Variants in TCF12 observed in about 807,000 individuals in gnomAD.
The protein encoded by TCF12 is transcription factor 12.
TCF12 carries 45 observed loss-of-function variants against 86.0 expected under a neutral mutation model. The ratio of observed to expected loss-of-function variants is 0.52; its 90% CI spans 0.41 to 0.67. TCF12 has a LOEUF of 0.67. Ranked by LOEUF, TCF12 falls within the 30% of genes least tolerant of loss-of-function variation. TCF12 has a pLI of 0.00. For synonymous variants in TCF12, 330 were observed against 299.6 expected (o/e 1.10, Z -1.05); for missense variants, 881 against 859.9 (o/e 1.02, Z -0.31).
In TCF12 at chr15:56,960,454, G is replaced by A. The variant is rs1220019263; in HGVS notation, c.148+39356G>A. On this transcript the variant is annotated intron_variant, in intron 3 of 20. Coordinates refer to ENST00000333725, the MANE Select transcript of TCF12 (RefSeq NM_207037.2). ...TATTTTTTTTTTTTTTTTTGAGATGGAGTCTCACTCTGTCACCTAAGTTGG... is the reference window on the plus strand; with the variant it reads ...TATTTTTTTTTTTTTTTTTGAGATGAAGTCTCACTCTGTCACCTAAGTTGG... Among the ~76,000 whole-genome samples, 17 of 142,920 alleles carry A rather than the reference G, an allele frequency of 1.2e-4. No homozygotes were observed. In the Admixed American group the frequency reaches 1.3e-3, roughly 11 times the overall value. The allele number at this position is 142,920 out of a possible 152,430, so 93.8% of individuals were successfully genotyped here.
rs762583478 is a variant in TCF12 at position 56,919,876 on chromosome 15, G to A, written c.-22-16G>A. 2 of 1,611,174 alleles carry A rather than the reference G, an allele frequency of 1.2e-6. No individual in the cohort carries two copies. The highest frequency in any genetic ancestry group is 1.7e-6 in the Non-Finnish European group (2 of 1,178,098). ...GCCTCGGTGGTCTCTCGCTGAGCCC[G>A]TTTCCTCTGCCCTAGGACCTGCTAG... On this transcript the variant is annotated splice_polypyrimidine_tract_variant and intron_variant, in intron 1 of 20. Transcript: ENST00000333725.
At chr15:56,948,128 T>G (rs903301915) in intron 3 of TCF12, among the ~76,000 whole-genome samples, 1 of 152,060 alleles carries the variant, frequency 6.6e-6, no homozygotes, top group Non-Finnish European at 1.5e-5. Context: ...TACCTTTTTT[T>G]TTTTATTTTT....
At chr15:57,016,670 T>C (rs751747293) in intron 3 of TCF12, among the ~76,000 whole-genome samples, 1 of 152,006 alleles carries the variant, frequency 6.6e-6, no homozygotes, top group Admixed American at 6.6e-5. Flanking sequence ...AGGGTACATA[T>C]TGTTAGAAGG....
At chr15:57,248,736 T>C (rs941005030) in intron 13 of TCF12, among the ~76,000 whole-genome samples, 8 of 152,244 alleles carry the variant, frequency 5.3e-5, no homozygotes, top group Non-Finnish European at 1.0e-4. Flanking sequence ...AAAATAAGTT[T>C]AAGTGTATGT....
intron 18 of TCF12, among the ~76,000 whole-genome samples, chr15:57,266,483 G>C (rs1245974086): frequency 6.6e-6 from 1 of 152,160 alleles, no homozygotes; most frequent in Non-Finnish European, 1.5e-5. Flanking sequence ...AGTTGCCACA[G>C]AGACTATATG....
At chr15:57,167,292 G>A (rs2054970344) in intron 6 of TCF12, among the ~76,000 whole-genome samples, 1 of 152,154 alleles carries the variant, frequency 6.6e-6, no homozygotes, top group African/African-American at 2.4e-5. Flanking sequence ...TGGCCACGGT[G>A]GCTCACGCCT....
At chr15:56,994,966 G>A (rs1461604623) in intron 3 of TCF12, among the ~76,000 whole-genome samples, 1 of 151,976 alleles carries the variant, frequency 6.6e-6, no homozygotes, top group Non-Finnish European at 1.5e-5. Context: ...ATAATTGAGA[G>A]GAAAAGTTAT....
chr15:57,225,816 G>C (rs1002679475), intron 8 of TCF12, among the ~76,000 whole-genome samples: 1 of 151,650 alleles, frequency 6.6e-6, no homozygotes, highest in East Asian at 1.9e-4. Flanking sequence ...ATATTGCTAC[G>C]TGTGGAACTT....
intron 12 of TCF12, among the ~76,000 whole-genome samples, chr15:57,237,683 T>C (rs573364683): frequency 6.6e-6 from 1 of 152,334 alleles, no homozygotes; most frequent in East Asian, 1.9e-4. Context: ...CTTTTTATTC[T>C]TACCTTCAAA....
At chr15:56,996,344 A>G (rs756456618) in intron 3 of TCF12, among the ~76,000 whole-genome samples, 4 of 152,170 alleles carry the variant, frequency 2.6e-5, no homozygotes, top group African/African-American at 7.2e-5. Flanking sequence ...AAAGCCACAC[A>G]CCTACAACCA....
chr15:57,246,877 A>G (rs1348706053), intron 13 of TCF12: 11 of 420,558 alleles, frequency 2.6e-5, no homozygotes, highest in African/African-American at 6.2e-5. Context: ...CTTTCGGACA[A>G]CTGTCTCAAA....
In TCF12 at chr15:57,208,709, A is replaced by T. The variant is rs189379549; in HGVS notation, c.579+10884A>T. Among the ~76,000 whole-genome samples the T allele has an allele frequency of 6.2e-3, 909 of 145,456 alleles. 10 individuals are homozygous for T. Among genetic ancestry groups the T allele is most frequent in the African/African-American group, 0.019 (758 of 39,434 alleles). On this transcript the variant is annotated intron_variant, in intron 8 of 20. Transcript: ENST00000333725. ...CTGGAAAGAAAGAACTTAAAAAAAA[A>T]TTTTTTTTTTTCTTTTGAAACAGGA...
At chr15:57,152,956 A>C (rs2053869721) in intron 5 of TCF12, among the ~76,000 whole-genome samples, 2 of 152,158 alleles carry the variant, frequency 1.3e-5, no homozygotes, top group African/African-American at 4.8e-5. Context: ...CAGAAAAAAA[A>C]ACACATCATG....
At chr15:57,277,725 C>A (rs1441923549) in intron 19 of TCF12, among the ~76,000 whole-genome samples, 1 of 151,762 alleles carries the variant, frequency 6.6e-6, no homozygotes, top group African/African-American at 2.4e-5. Context: ...TCCCTTGAGC[C>A]CAGGAGATGA....
intron 3 of TCF12, among the ~76,000 whole-genome samples, chr15:56,999,268 A>G (rs933569365): frequency 6.6e-6 from 1 of 152,096 alleles, no homozygotes; most frequent in Non-Finnish European, 1.5e-5. Flanking sequence ...TAACAGGAGA[A>G]TCAATGAATT....
chr15:57,188,003 A>C (rs945776542), intron 6 of TCF12, among the ~76,000 whole-genome samples: 1 of 152,050 alleles, frequency 6.6e-6, no homozygotes. Flanking sequence ...CAAATTGTAA[A>C]AGAAGTAAAA....
chr15:57,221,587 G>C (rs2058600796), intron 8 of TCF12, among the ~76,000 whole-genome samples: 1 of 152,050 alleles, frequency 6.6e-6, no homozygotes, highest in Non-Finnish European at 1.5e-5. Context: ...GCTTATGGTA[G>C]ATGGCATAGC....
intron 8 of TCF12, among the ~76,000 whole-genome samples, chr15:57,220,114 A>T (rs1234356058): frequency 6.6e-6 from 1 of 152,130 alleles, no homozygotes; most frequent in African/African-American, 2.4e-5. Context: ...TTTTATTTTT[A>T]AGATAGTGTA....
At chr15:57,192,395 G>A (rs1350435856) in intron 7 of TCF12, 102 bp downstream of exon 7, 22 of 1,444,638 alleles carry the variant, frequency 1.5e-5, no homozygotes, top group Admixed American at 2.3e-5. Flanking sequence ...TTTTCTTTCC[G>A]TTTCTTTGTT....
Sources: gnomAD v4.1 joint callset for allele counts (sites outside exome capture counted in the v4.1 genomes callset) on GRCh38, gnomAD v4.1.1 for gene constraint, MANE v1.5 for transcripts, NCBI Gene and HGNC (gene_info 2026-07-23, HGNC 2026-07-21) for gene names.